Variants in SPRED1 observed in about 807,000 individuals in gnomAD.
SPRED1 encodes the protein sprouty-related, EVH1 domain-containing protein 1.
Under a neutral mutation model 52.3 loss-of-function variants are expected in SPRED1, and 18 were observed. The observed-to-expected ratio is 0.34, with a 90% confidence interval of 0.24 to 0.51. The LOEUF (loss-of-function observed/expected upper bound fraction) is 0.51, where lower values mean the gene tolerates loss of function less well. SPRED1 is among the 20% of genes least tolerant of loss of function. The pLI, the probability that SPRED1 is intolerant of heterozygous loss-of-function variation, is 0.97. For missense variants in SPRED1, 485 were observed against 551.0 expected (o/e 0.88, Z 1.20); for synonymous variants, 155 against 179.7 (o/e 0.86, Z 1.10).
intron 2 of SPRED1, among the ~76,000 whole-genome samples, chr15:38,316,656 A>G (rs1895486503): frequency 6.6e-6 from 1 of 151,248 alleles, no homozygotes; most frequent in South Asian, 2.1e-4. Context: ...CTGTTTGTAA[A>G]AGTCTGAATT....
At chr15:38,297,435 C>G (rs1413109196) in intron 1 of SPRED1, among the ~76,000 whole-genome samples, 1 of 152,192 alleles carries the variant, frequency 6.6e-6, no homozygotes, top group Non-Finnish European at 1.5e-5. Context: ...TCCAGCCCAT[C>G]TCAGGAGAAT....
intron 2 of SPRED1, among the ~76,000 whole-genome samples, chr15:38,305,349 A>G (rs572434322): frequency 5.9e-5 from 5 of 84,108 alleles, no homozygotes; most frequent in Non-Finnish European, 1.3e-4. Context: ...AAACAAAAAA[A>G]AAAAACTTTT....
chr15:38,325,048 A>G (rs1895686264), intron 4 of SPRED1, among the ~76,000 whole-genome samples: 1 of 152,144 alleles, frequency 6.6e-6, no homozygotes, highest in Non-Finnish European at 1.5e-5. Context: ...ATGTTGCTCA[A>G]GCTGGTCTCG....
At position 38,311,238 on chromosome 15, in the gene SPRED1, A is replaced by C. The variant is rs542368547; in HGVS notation, c.208-11003A>C. ...GATAGATTATATTGATTGATTTTTA[A>C]ATATTGAACCAGCCCTGTTTCTGCA... is the stretch of plus-strand genomic sequence containing the variant. On this transcript the variant is annotated intron_variant, in intron 2 of 6. Coordinates refer to ENST00000299084, the MANE Select transcript of SPRED1 (RefSeq NM_152594.3). 1.1e-4 allele frequency among the ~76,000 whole-genome samples: 16 copies of C among 152,262 alleles called. No homozygotes were observed. In the South Asian group the frequency reaches 1.7e-3, roughly 16 times the overall value.
intron 1 of SPRED1, among the ~76,000 whole-genome samples, chr15:38,266,948 T>G (rs1894319163): frequency 6.6e-6 from 1 of 152,204 alleles, no homozygotes; most frequent in East Asian, 1.9e-4. Flanking sequence ...TAATTTGACT[T>G]ACAATTACTG....
intron 4 of SPRED1, among the ~76,000 whole-genome samples, chr15:38,328,351 G>A (rs539623032): frequency 2.0e-5 from 3 of 152,288 alleles, no homozygotes; most frequent in African/African-American, 4.8e-5. Context: ...AAATATTTGA[G>A]TACCTATTTC....
chr15:38,260,741 A>G (rs941245617), intron 1 of SPRED1, among the ~76,000 whole-genome samples: 1 of 152,176 alleles, frequency 6.6e-6, no homozygotes, highest in African/African-American at 2.4e-5. Context: ...TAGGCCCCTA[A>G]TATTGTTCTG....
chr15:38,313,925 T>G (rs950233689), intron 2 of SPRED1, among the ~76,000 whole-genome samples: 2 of 151,796 alleles, frequency 1.3e-5, no homozygotes, highest in Non-Finnish European at 3.0e-5. Context: ...TCATTATCTT[T>G]TAGGTCTAAG....
intron 4 of SPRED1, among the ~76,000 whole-genome samples, chr15:38,332,442 G>C (rs1895823550): frequency 6.6e-6 from 1 of 152,048 alleles, no homozygotes; most frequent in Admixed American, 6.6e-5. Context: ...GCATGATGGA[G>C]TCCACCTGTA....
At chr15:38,347,476 T>C (rs913974111) in intron 5 of SPRED1, among the ~76,000 whole-genome samples, 5 of 149,940 alleles carry the variant, frequency 3.3e-5, no homozygotes, top group African/African-American at 9.9e-5. Flanking sequence ...TTTTTTTTTT[T>C]TTTTTTTTTC....
chr15:38,293,394 G>A (rs1030322939), intron 1 of SPRED1, among the ~76,000 whole-genome samples: 2 of 151,928 alleles, frequency 1.3e-5, no homozygotes, highest in African/African-American at 2.4e-5. Flanking sequence ...CACCACACCC[G>A]GCTCCAAGAT....
chr15:38,336,440 T>A (rs2382134), intron 4 of SPRED1, among the ~76,000 whole-genome samples: 6 of 141,050 alleles, frequency 4.3e-5, no homozygotes, highest in African/African-American at 1.6e-4. Flanking sequence ...ATATATAATA[T>A]TATATATATG....
At chr15:38,301,315 G>A (rs542487876) in intron 2 of SPRED1, among the ~76,000 whole-genome samples, 3 of 152,190 alleles carry the variant, frequency 2.0e-5, no homozygotes, top group African/African-American at 7.2e-5. Context: ...AAAATCAAGA[G>A]CACTTACCCT....
At chr15:38,344,660 G>T (rs1896094594) in intron 5 of SPRED1, among the ~76,000 whole-genome samples, 1 of 152,082 alleles carries the variant, frequency 6.6e-6, no homozygotes, top group African/African-American at 2.4e-5. Flanking sequence ...GTTCTTTGTA[G>T]CTTAGTATCC....
At chr15:38,278,103 G>T (rs1378633979) in intron 1 of SPRED1, among the ~76,000 whole-genome samples, 1 of 152,138 alleles carries the variant, frequency 6.6e-6, no homozygotes. Flanking sequence ...AGAACTATTT[G>T]TGTGTGTGTT....
chr15:38,315,944 G>A (rs1895470380), intron 2 of SPRED1, among the ~76,000 whole-genome samples: 1 of 151,984 alleles, frequency 6.6e-6, no homozygotes, highest in Non-Finnish European at 1.5e-5. Flanking sequence ...TCAGCTGGAT[G>A]GTGAGTGGTA....
intron 2 of SPRED1, among the ~76,000 whole-genome samples, chr15:38,303,676 A>G (rs184442842): frequency 7.9e-5 from 12 of 151,522 alleles, no homozygotes; most frequent in African/African-American, 2.9e-4. Context: ...ATAATAGATA[A>G]TAAAATATTA....
At chr15:38,306,608 G>T (rs1895253521) in intron 2 of SPRED1, among the ~76,000 whole-genome samples, 1 of 152,086 alleles carries the variant, frequency 6.6e-6, no homozygotes, top group Non-Finnish European at 1.5e-5. Context: ...CAGTTGTTTT[G>T]CAACAGTTAA....
At chr15:38,262,193 ATTCAG>A (rs1169774923) in intron 1 of SPRED1, among the ~76,000 whole-genome samples, 6 of 152,214 alleles carry the variant, frequency 3.9e-5, no homozygotes, top group African/African-American at 1.4e-4. Flanking sequence ...TCCTAAAGAA[ATTCAG>A]TTCAGTGGCA....
Sources: gnomAD v4.1 joint callset for allele counts (sites outside exome capture counted in the v4.1 genomes callset) on GRCh38, gnomAD v4.1.1 for gene constraint, MANE v1.5 for transcripts, NCBI Gene and HGNC (gene_info 2026-07-23, HGNC 2026-07-21) for gene names.